The following DDAH1 variants were observed in gnomAD, a reference collection of about 807,000 sequenced individuals.
The protein encoded by DDAH1 is N(G),N(G)-dimethylarginine dimethylaminohydrolase 1.
Under a neutral mutation model 28.8 loss-of-function variants are expected in DDAH1, and 19 were observed. The observed-to-expected ratio is 0.66, with a 90% CI of 0.46 to 0.97. DDAH1 has a LOEUF of 0.97. Ranked by LOEUF, DDAH1 falls within the 50% of genes least tolerant of loss-of-function variation. The pLI, the probability that DDAH1 is intolerant of heterozygous loss-of-function variation, is 0.00. For synonymous variants in DDAH1, 153 were observed against 154.4 expected (o/e 0.99, Z 0.07); for missense variants, 326 against 375.9 (o/e 0.87, Z 1.10).
chr1:85,373,579 T>C (rs540181631), intron 1 of DDAH1, among the ~76,000 whole-genome samples: 9 of 152,244 alleles, frequency 5.9e-5, no homozygotes, highest in African/African-American at 1.4e-4. Context: ...GTGAAGAAGA[T>C]ACTTGCTTCT....
At chr1:85,452,329 CATAAATAA>C (rs755367742) in intron 1 of DDAH1, among the ~76,000 whole-genome samples, 1 of 151,976 alleles carries the variant, frequency 6.6e-6, no homozygotes, top group African/African-American at 2.4e-5. Flanking sequence ...ACAACAACGA[CATAAATAA>C]ATAAATAAAT....
intron 2 of DDAH1, among the ~76,000 whole-genome samples, chr1:85,353,298 G>T (rs1172495541): frequency 6.6e-6 from 1 of 152,148 alleles, no homozygotes; most frequent in African/African-American, 2.4e-5. Flanking sequence ...ATGTGGAAAA[G>T]ATATTCAAAG....
At chr1:85,529,368 G>C (rs1319740708) in intron 1 of DDAH1, among the ~76,000 whole-genome samples, 1 of 151,976 alleles carries the variant, frequency 6.6e-6, no homozygotes, top group East Asian at 1.9e-4. Context: ...TCTTGATGCT[G>C]CCTGCAGAGT....
intron 1 of DDAH1, among the ~76,000 whole-genome samples, chr1:85,455,295 C>G (rs1654836855): frequency 6.6e-6 from 1 of 152,136 alleles, no homozygotes. Flanking sequence ...TCTTCCATTA[C>G]TATTTTGAAA....
chr1:85,325,370 C>T (rs1039202804), intron 4 of DDAH1, among the ~76,000 whole-genome samples: 1 of 152,052 alleles, frequency 6.6e-6, no homozygotes, highest in Non-Finnish European at 1.5e-5. Flanking sequence ...CGCGCGCGCA[C>T]ACACACACGC....
chr1:85,389,649 C>T (rs923499541), intron 1 of DDAH1, among the ~76,000 whole-genome samples: 1 of 152,132 alleles, frequency 6.6e-6, no homozygotes, highest in Non-Finnish European at 1.5e-5. Flanking sequence ...ATGTAATGTA[C>T]GGGGACTGGC....
chr1:85,422,762 G>A (rs993358775), intron 1 of DDAH1, among the ~76,000 whole-genome samples: 12 of 152,162 alleles, frequency 7.9e-5, no homozygotes, highest in Non-Finnish European at 1.2e-4. Flanking sequence ...AGATAATTAA[G>A]GTTAGATGAG....
At chr1:85,389,034 A>G (rs1651415845) in intron 1 of DDAH1, among the ~76,000 whole-genome samples, 1 of 152,120 alleles carries the variant, frequency 6.6e-6, no homozygotes. Context: ...CCTCACCCAT[A>G]AAATGATCAT....
chr1:85,468,521 CTTT>C (rs145367827), upstream of DDAH1, among the ~76,000 whole-genome samples: 4 of 139,026 alleles, frequency 2.9e-5, no homozygotes, highest in African/African-American at 2.6e-5. Flanking sequence ...GGGAACTCTC[CTTT>C]TTTTTTTTTT....
In DDAH1 at chr1:85,568,498, C is replaced by G. The variant is rs181660332; in HGVS notation, c.-123+9486G>C. On this transcript the variant is annotated intron_variant, in intron 1 of 6. Transcript: ENST00000426972. Reference sequence around the variant, plus strand: ...ACCTTTAACACTATACAACAGAAACCTCGCATCATTTCAAGTAAGGCCAAG... The same window carrying G: ...ACCTTTAACACTATACAACAGAAACGTCGCATCATTTCAAGTAAGGCCAAG... Among the ~76,000 whole-genome samples the G allele has an allele frequency of 1.3e-3, 201 of 152,174 alleles. 1 individual carries two copies. Among genetic ancestry groups the G allele is most frequent in the Non-Finnish European group, 1.5e-3 (103 of 68,014 alleles).
At chr1:85,473,486 TACAC>T (rs144749348) in intron 2 of DDAH1, among the ~76,000 whole-genome samples, 2,543 of 151,852 alleles carry the variant, frequency 0.017, 62 homozygotes, top group East Asian at 0.11. Flanking sequence ...TATGTATGTG[TACAC>T]ACACACACAC....
chr1:85,361,769 G>A (rs2474123), intron 1 of DDAH1, among the ~76,000 whole-genome samples: 62,052 of 151,936 alleles, frequency 0.41, 12,903 homozygotes, highest in South Asian at 0.61. Flanking sequence ...CACAGCTGCT[G>A]CAGATCACCT....
intron 1 of DDAH1, among the ~76,000 whole-genome samples, chr1:85,453,475 C>T (rs528164097): frequency 6.6e-6 from 1 of 152,292 alleles, no homozygotes; most frequent in East Asian, 1.9e-4. Flanking sequence ...TAATGTCTCT[C>T]ATCAGAATCT....
chr1:85,357,788 T>C (rs1364059744), intron 2 of DDAH1, among the ~76,000 whole-genome samples: 2 of 152,218 alleles, frequency 1.3e-5, no homozygotes, highest in Admixed American at 6.5e-5. Flanking sequence ...CAGAATGAAT[T>C]TGGGGACCCA....
At chr1:85,560,252 A>C (rs1312810908) in intron 1 of DDAH1, among the ~76,000 whole-genome samples, 4 of 152,142 alleles carry the variant, frequency 2.6e-5, no homozygotes, top group Admixed American at 2.6e-4. Flanking sequence ...AAGGCAAAAT[A>C]AAAACTGTTT....
intron 1 of DDAH1, among the ~76,000 whole-genome samples, chr1:85,566,155 T>C (rs930510322): frequency 6.8e-6 from 1 of 146,110 alleles, no homozygotes; most frequent in Non-Finnish European, 1.5e-5. Flanking sequence ...AAAAAGGAAA[T>C]ACAACAGAAT....
At chr1:85,544,550 T>C in intron 1 of DDAH1, among the ~76,000 whole-genome samples, 1 of 152,142 alleles carries the variant, frequency 6.6e-6, no homozygotes, top group East Asian at 1.9e-4. Context: ...AGTTTTTCTC[T>C]TCACTCAGAC....
intron 1 of DDAH1, among the ~76,000 whole-genome samples, chr1:85,557,852 C>T (rs1003643766): frequency 9.2e-5 from 14 of 152,070 alleles, no homozygotes; most frequent in South Asian, 2.1e-4. Context: ...AAGGTGGTCA[C>T]CTGCAAGCCA....
chr1:85,469,830 A>T (rs1180689440), upstream of DDAH1, among the ~76,000 whole-genome samples: 2 of 152,240 alleles, frequency 1.3e-5, no homozygotes, highest in African/African-American at 4.8e-5. Flanking sequence ...AATGATAATT[A>T]TGGCTTATGG....
Sources: gnomAD v4.1 joint callset for allele counts (sites outside exome capture counted in the v4.1 genomes callset) on GRCh38, gnomAD v4.1.1 for gene constraint, MANE v1.5 for transcripts, NCBI Gene and HGNC (gene_info 2026-07-23, HGNC 2026-07-21) for gene names.